The following EBF1 variants were observed in gnomAD, a reference collection of about 807,000 sequenced individuals.
EBF1 encodes EBF transcription factor 1.
EBF1 carries 10 observed loss-of-function variants against 68.4 expected under a neutral mutation model. The ratio of observed to expected loss-of-function variants is 0.15; its 90% CI spans 0.09 to 0.25. The LOEUF (loss-of-function observed/expected upper bound fraction) is 0.25, where lower values mean the gene tolerates loss of function less well. Ranked by LOEUF, EBF1 falls within the 10% of genes least tolerant of loss-of-function variation. The pLI is 1.00. For missense variants in EBF1, 509 were observed against 794.4 expected (o/e 0.64, Z 4.32); for synonymous variants, 298 against 299.8 (o/e 0.99, Z 0.06).
intron 6 of EBF1, among the ~76,000 whole-genome samples, chr5:159,035,340 C>T (rs1769817500): frequency 6.6e-6 from 1 of 151,938 alleles, no homozygotes; most frequent in Admixed American, 6.6e-5. Context: ...TAAAAAAACA[C>T]CAAAATAAGT....
chr5:158,708,711 CCTAAA>C (rs1413008037), intron 14 of EBF1, among the ~76,000 whole-genome samples: 3 of 152,066 alleles, frequency 2.0e-5, no homozygotes, highest in African/African-American at 7.2e-5. Context: ...CCAGGTAGAG[CCTAAA>C]CTAAAGTTCT....
intron 6 of EBF1, among the ~76,000 whole-genome samples, chr5:159,068,906 G>T (rs970580392): frequency 1.3e-5 from 2 of 151,924 alleles, no homozygotes; most frequent in Non-Finnish European, 1.5e-5. Flanking sequence ...TACAAAATTT[G>T]TGTATTTTTT....
intron 6 of EBF1, among the ~76,000 whole-genome samples, chr5:158,862,118 T>C (rs897948553): frequency 1.3e-5 from 2 of 152,150 alleles, no homozygotes; most frequent in African/African-American, 4.8e-5. Context: ...GTATGTAAAA[T>C]TTTATCTGAA....
At chr5:158,766,675 A>G (rs893371883) in intron 10 of EBF1, among the ~76,000 whole-genome samples, 14 of 152,192 alleles carry the variant, frequency 9.2e-5, no homozygotes, top group African/African-American at 3.1e-4. Context: ...ATGGCTGTCC[A>G]ATGATAGAGG....
intron 6 of EBF1, among the ~76,000 whole-genome samples, chr5:159,031,969 A>AT (rs1394618511): frequency 6.6e-6 from 1 of 152,224 alleles, no homozygotes; most frequent in African/African-American, 2.4e-5. Context: ...AATTTTAATG[A>AT]TAAAAAAAAA....
chr5:158,937,402 TAA>T (rs1812248774), intron 6 of EBF1, among the ~76,000 whole-genome samples: 1 of 151,934 alleles, frequency 6.6e-6, no homozygotes, highest in Admixed American at 6.6e-5. Flanking sequence ...CCACGAGGAT[TAA>T]AGAGAACAGC....
chr5:158,707,285 G>A lies in EBF1; in HGVS notation c.1744+694C>T, dbSNP rs529975136. ...AATGGTGTGCTCAGTTTTAAAAGGT[G>A]GGTAACCTTTTATTCTTAATGAAAA... On this transcript the variant is annotated intron_variant, in intron 15 of 15. Coordinates refer to ENST00000313708, the MANE Select transcript of EBF1 (RefSeq NM_024007.5). Among the ~76,000 whole-genome samples, 4 of 152,254 alleles carry A rather than the reference G, an allele frequency of 2.6e-5. No homozygotes were observed. In the South Asian group the frequency reaches 8.3e-4, roughly 32 times the overall value.
intron 6 of EBF1, among the ~76,000 whole-genome samples, chr5:159,036,185 G>T (rs1026496579): frequency 6.6e-6 from 1 of 152,170 alleles, no homozygotes; most frequent in South Asian, 2.1e-4. Flanking sequence ...TCGCATCAGG[G>T]ATGGGTTGGC....
intron 6 of EBF1, among the ~76,000 whole-genome samples, chr5:159,028,386 C>G (rs1305133223): frequency 6.6e-6 from 1 of 152,098 alleles, no homozygotes; most frequent in African/African-American, 2.4e-5. Flanking sequence ...ACATACCAAG[C>G]AATTGTAATG....
intron 1 of EBF1, 97 bp downstream of exon 1, chr5:159,099,248 G>T: frequency 9.7e-7 from 1 of 1,034,466 alleles, no homozygotes; most frequent in Non-Finnish European, 1.2e-6. Flanking sequence ...CCCGCCGCCC[G>T]GCCCCGCGGC....
chr5:158,775,958 T>C (rs1775149864), intron 10 of EBF1, among the ~76,000 whole-genome samples: 1 of 152,180 alleles, frequency 6.6e-6, no homozygotes, highest in Non-Finnish European at 1.5e-5. Context: ...TAAAAACACT[T>C]GGCCTACTTC....
intron 6 of EBF1, among the ~76,000 whole-genome samples, chr5:159,050,185 C>T (rs1466014282): frequency 6.9e-6 from 1 of 144,002 alleles, no homozygotes; most frequent in Non-Finnish European, 1.5e-5. Context: ...TCTCTCTTCT[C>T]TCTTTTCTCT....
intron 6 of EBF1, among the ~76,000 whole-genome samples, chr5:158,932,762 T>G (rs1253409816): frequency 6.6e-6 from 1 of 152,216 alleles, no homozygotes; most frequent in Non-Finnish European, 1.5e-5. Context: ...GAACTGCTAT[T>G]ATGAGACTTT....
Position 158,925,412 on chromosome 5 carries a change from G to A in EBF1, c.555-85302C>T, listed in dbSNP as rs182821405. ...TTAAGTAAATGAATGGTGCATAACT[G>A]GATAGATAAATGGAAGATTTCCTGG... On this transcript the variant is annotated intron_variant, in intron 6 of 15. Transcript: ENST00000313708. 1.8e-3 allele frequency among the ~76,000 whole-genome samples: 278 copies of A among 152,318 alleles called. 1 individual carries two copies. Among genetic ancestry groups the A allele is most frequent in the African/African-American group, 6.5e-3 (272 of 41,550 alleles).
At chr5:159,090,594 T>C (rs1369693494) in intron 4 of EBF1, among the ~76,000 whole-genome samples, 1 of 152,112 alleles carries the variant, frequency 6.6e-6, no homozygotes, top group Non-Finnish European at 1.5e-5. Context: ...AAAAAGAGAA[T>C]GTGTACCAAA....
At chr5:158,766,583 A>G (rs2127637365) in intron 10 of EBF1, among the ~76,000 whole-genome samples, 1 of 152,280 alleles carries the variant, frequency 6.6e-6, no homozygotes, top group East Asian at 1.9e-4. Context: ...ACTTCACTAG[A>G]AAAAAGGGAG....
chr5:158,708,318 C>T, intron 14 of EBF1, 145 bp from the exon 15 acceptor site: 4 of 754,682 alleles, frequency 5.3e-6, no homozygotes, highest in South Asian at 3.6e-5. Flanking sequence ...AATTCGCAGG[C>T]TCTCATCCAC....
intron 9 of EBF1, among the ~76,000 whole-genome samples, chr5:158,795,037 C>T (rs1393148800): frequency 6.6e-6 from 1 of 152,142 alleles, no homozygotes; most frequent in African/African-American, 2.4e-5. Context: ...AATACCAAGG[C>T]AGCAGCAGCA....
intron 6 of EBF1, among the ~76,000 whole-genome samples, chr5:159,008,754 C>A (rs914864003): frequency 4.6e-5 from 7 of 152,096 alleles, no homozygotes; most frequent in Admixed American, 3.9e-4. Flanking sequence ...CCAGGCTGGT[C>A]TCAAACTCCT....
Sources: gnomAD v4.1 joint callset for allele counts (sites outside exome capture counted in the v4.1 genomes callset) on GRCh38, gnomAD v4.1.1 for gene constraint, MANE v1.5 for transcripts, NCBI Gene and HGNC (gene_info 2026-07-23, HGNC 2026-07-21) for gene names.